Variants in NRF1 observed in about 807,000 individuals in gnomAD.
NRF1 encodes nuclear respiratory factor 1.
Under a neutral mutation model 58.5 loss-of-function variants are expected in NRF1, and 5 were observed. That is an observed-to-expected ratio of 0.09 (90% CI 0.04 to 0.18). NRF1 has a LOEUF of 0.18. NRF1 is among the 10% of genes least tolerant of loss of function. The pLI is 1.00. For synonymous variants in NRF1, 224 were observed against 246.7 expected, an observed-to-expected ratio of 0.91 and a Z score of 0.86; for missense variants, 288 against 657.7, an observed-to-expected ratio of 0.44 and a Z score of 6.15.
At chr7:129,644,961 T>G (rs543293977) in intron 1 of NRF1, among the ~76,000 whole-genome samples, 1 of 152,008 alleles carries the variant, frequency 6.6e-6, no homozygotes, top group East Asian at 1.9e-4. Context: ...AGTTTATGAT[T>G]CAAAAACGAT....
chr7:129,744,098 G>A (rs903339091), intron 10 of NRF1: 97 of 1,372,340 alleles, frequency 7.1e-5, no homozygotes, highest in Non-Finnish European at 8.5e-5. Context: ...TGCAAGCGCC[G>A]CAGCGGGGCT....
intron 1 of NRF1, chr7:129,633,415 T>C (rs1243329197): frequency 6.6e-6 from 1 of 152,256 alleles, no homozygotes; most frequent in African/African-American, 2.4e-5. Flanking sequence ...CACTGATTAC[T>C]GAACTGTGTT....
chr7:129,666,604 T>C (rs934540884), intron 2 of NRF1, among the ~76,000 whole-genome samples: 2 of 152,230 alleles, frequency 1.3e-5, no homozygotes, highest in Non-Finnish European at 2.9e-5. Context: ...CGATCTCTGC[T>C]CACTGCAACC....
rs191088029 is a variant in NRF1, at chr7:129,690,982, C to T, written c.606+436C>T. ...ATTATTACTAAGTACAGCTTCCTTC[C>T]GCAAGAATGTAAAAGTCAGAGTGAC... On this transcript the variant is annotated intron_variant, in intron 5 of 10. Coordinates refer to ENST00000393232, the MANE Select transcript of NRF1 (RefSeq NM_005011.5). Among the ~76,000 whole-genome samples the T allele has an allele frequency of 2.1e-3, 317 of 152,232 alleles. 3 individuals carry two copies. The highest frequency in any genetic ancestry group is 6.8e-3 in the African/African-American group (281 of 41,528).
In NRF1 at chr7:129,753,184, T is replaced by A. The variant is rs184474382; in HGVS notation, c.1349-1834T>A. ...TTTGACAACCCTTTTTAAAATAATT[T>A]TTATCTTCATCAAAGTAGCCTATGG... On this transcript the variant is annotated intron_variant, in intron 10 of 10. Transcript: ENST00000393232. 2.0e-3 allele frequency among the ~76,000 whole-genome samples: 302 copies of A among 152,348 alleles called. 4 individuals are homozygous for A. In the South Asian group the frequency reaches 0.028, roughly 14 times the overall value.
chr7:129,696,531 A>G (rs1464357122), intron 5 of NRF1, among the ~76,000 whole-genome samples: 1 of 152,240 alleles, frequency 6.6e-6, no homozygotes, highest in Non-Finnish European at 1.5e-5. Flanking sequence ...ATAAAGAACA[A>G]GTACATTTTA....
chr7:129,670,084 A>G (rs987288926), intron 2 of NRF1, among the ~76,000 whole-genome samples: 10 of 152,228 alleles, frequency 6.6e-5, no homozygotes, highest in African/African-American at 1.4e-4. Flanking sequence ...AGTGAAACAA[A>G]CCAGTCATAG....
intron 8 of NRF1, among the ~76,000 whole-genome samples, chr7:129,712,530 G>A (rs1276319049): frequency 6.6e-6 from 1 of 152,184 alleles, no homozygotes; most frequent in Non-Finnish European, 1.5e-5. Flanking sequence ...GAGATGGAGG[G>A]AGAGTGCACC....
At chr7:129,662,739 G>C (rs1053029928) in intron 2 of NRF1, among the ~76,000 whole-genome samples, 2 of 151,674 alleles carry the variant, frequency 1.3e-5, no homozygotes, top group South Asian at 4.2e-4. Flanking sequence ...TCCAATTTAA[G>C]GTTTATTTAT....
intron 5 of NRF1, among the ~76,000 whole-genome samples, chr7:129,705,393 C>T (rs1175229460): frequency 1.3e-5 from 2 of 152,062 alleles, no homozygotes; most frequent in African/African-American, 2.4e-5. Flanking sequence ...CGGGATTAAG[C>T]GATTCTCCTG....
intron 5 of NRF1, among the ~76,000 whole-genome samples, chr7:129,706,714 G>A (rs900672535): frequency 4.6e-5 from 7 of 152,120 alleles, no homozygotes; most frequent in South Asian, 2.1e-4. Context: ...TGGGAGAGCC[G>A]AAGGAAGACT....
intron 4 of NRF1, among the ~76,000 whole-genome samples, chr7:129,682,999 C>G (rs1297571902): frequency 3.3e-5 from 5 of 152,032 alleles, no homozygotes; most frequent in Non-Finnish European, 7.4e-5. Flanking sequence ...GGTGCAGTCT[C>G]AGCTCACTGC....
intron 5 of NRF1, among the ~76,000 whole-genome samples, chr7:129,695,575 CAA>C (rs11398545): frequency 8.1e-6 from 1 of 123,962 alleles, no homozygotes; most frequent in African/African-American, 3.1e-5. Flanking sequence ...GACTCGATCT[CAA>C]AAAAAAAAAA....
intron 5 of NRF1, among the ~76,000 whole-genome samples, chr7:129,698,357 C>T (rs569420871): frequency 2.7e-5 from 4 of 149,948 alleles, no homozygotes; most frequent in African/African-American, 7.4e-5. Flanking sequence ...TGGGTCTGCA[C>T]GTTAGAAAAC....
chr7:129,734,100 T>G (rs768916420), intron 10 of NRF1, among the ~76,000 whole-genome samples: 1 of 152,324 alleles, frequency 6.6e-6, no homozygotes, highest in Non-Finnish European at 1.5e-5. Context: ...AACATACTTC[T>G]CAGCTGTTGA....
At chr7:129,682,832 G>C (rs1006483553) in intron 4 of NRF1, among the ~76,000 whole-genome samples, 2 of 141,374 alleles carry the variant, frequency 1.4e-5, no homozygotes, top group African/African-American at 2.7e-5. Flanking sequence ...TGATACAATA[G>C]ATACAGGAGC....
At chr7:129,620,585 A>G (rs1377043484) in intron 1 of NRF1, among the ~76,000 whole-genome samples, 1 of 151,984 alleles carries the variant, frequency 6.6e-6, no homozygotes, top group African/African-American at 2.4e-5. Context: ...ATGGGATTTC[A>G]CCATATTGGA....
intron 5 of NRF1, among the ~76,000 whole-genome samples, chr7:129,698,604 T>C (rs1802751403): frequency 6.6e-6 from 1 of 152,166 alleles, no homozygotes; most frequent in South Asian, 2.1e-4. Flanking sequence ...AGTAAATTTC[T>C]TTTAGGATAC....
chr7:129,634,636 A>G (rs561951387), intron 1 of NRF1, among the ~76,000 whole-genome samples: 1 of 152,326 alleles, frequency 6.6e-6, no homozygotes, highest in East Asian at 1.9e-4. Flanking sequence ...TGTGAATAAA[A>G]CTGCTGTGAA....
Sources: gnomAD v4.1 joint callset for allele counts (sites outside exome capture counted in the v4.1 genomes callset) on GRCh38, gnomAD v4.1.1 for gene constraint, MANE v1.5 for transcripts, NCBI Gene and HGNC (gene_info 2026-07-23, HGNC 2026-07-21) for gene names.